The following CASR variants were observed in gnomAD, a reference collection of about 807,000 sequenced individuals.
The protein encoded by CASR is extracellular calcium-sensing receptor.
A neutral mutation model predicts 69.1 loss-of-function variants in CASR; 23 were observed. That is an observed-to-expected ratio of 0.33 (90% confidence interval 0.24 to 0.47). The LOEUF is 0.47. Ranked by LOEUF, CASR falls within the 20% of genes least tolerant of loss-of-function variation. CASR has a pLI of 1.00. For synonymous variants in CASR, 541 were observed against 544.7 expected (o/e 0.99, Z 0.10); for missense variants, 924 against 1,356.1 (o/e 0.68, Z 5.00).
chr3:122,281,911 C>G (rs1010547581), intron 5 of CASR, among the ~76,000 whole-genome samples: 1 of 152,196 alleles, frequency 6.6e-6, no homozygotes. Context: ...TATACACACA[C>G]ACTTTCCCAT....
chr3:122,281,652 T>C (rs1204956521), intron 5 of CASR, among the ~76,000 whole-genome samples: 1 of 152,226 alleles, frequency 6.6e-6, no homozygotes, highest in African/African-American at 2.4e-5. Context: ...TCCATTAATT[T>C]GCTAATGCAG....
intron 1 of CASR, chr3:122,245,275 C>T (rs1438780307): frequency 6.6e-6 from 1 of 152,174 alleles, no homozygotes; most frequent in East Asian, 1.9e-4. Context: ...TACAGCCATT[C>T]ATCTTTTCCA....
At chr3:122,269,280 G>A (rs2074729344) in intron 4 of CASR, among the ~76,000 whole-genome samples, 1 of 152,192 alleles carries the variant, frequency 6.6e-6, no homozygotes. Flanking sequence ...GATATAGTGA[G>A]GACAGACATT....
intron 1 of CASR, among the ~76,000 whole-genome samples, chr3:122,224,650 T>G (rs2074205085): frequency 6.6e-6 from 1 of 152,052 alleles, no homozygotes; most frequent in Non-Finnish European, 1.5e-5. Flanking sequence ...GCTATTCCTA[T>G]CAAACCACCA....
intron 1 of CASR, among the ~76,000 whole-genome samples, chr3:122,192,866 G>T (rs1280856010): frequency 6.6e-6 from 1 of 152,112 alleles, no homozygotes; most frequent in Admixed American, 6.6e-5. Context: ...CTCTTCTCAC[G>T]ATCCAGCTGC....
intron 1 of CASR, among the ~76,000 whole-genome samples, chr3:122,187,110 A>G (rs2107577236): frequency 6.6e-6 from 1 of 152,348 alleles, no homozygotes; most frequent in Non-Finnish European, 1.5e-5. Flanking sequence ...CCCATTAATA[A>G]GGTAAATATA....
intron 1 of CASR, among the ~76,000 whole-genome samples, chr3:122,223,897 A>G (rs1311897085): frequency 3.3e-5 from 5 of 152,254 alleles, no homozygotes; most frequent in African/African-American, 1.2e-4. Context: ...ACGCAAATCA[A>G]TAAATGCAAT....
At chr3:122,253,829 T>G in intron 1 of CASR, 119 bp from the exon 2 acceptor site, 1 of 288,496 alleles carries the variant, frequency 3.5e-6, no homozygotes, top group Non-Finnish European at 6.7e-6. Flanking sequence ...GCCAGGCCTT[T>G]TCAGTCTGCC....
chr3:122,211,247 TTAAAC>T (rs1298000098), intron 1 of CASR, among the ~76,000 whole-genome samples: 3 of 152,126 alleles, frequency 2.0e-5, no homozygotes, highest in African/African-American at 7.2e-5. Context: ...TGGGATCTAA[TTAAAC>T]TAAAGAGCTT....
At position 122,252,448 on chromosome 3, in the gene CASR, A is replaced by AGAAAGAAAGAAAGAAAG. The variant is rs1288515427; in HGVS notation, c.-242-1500_-242-1499insGAAAGAAAGAAAGAAAG. Among the ~76,000 whole-genome samples the AGAAAGAAAGAAAGAAAG allele has an allele frequency of 3.0e-4, 29 of 96,082 alleles. 2 individuals are homozygous for AGAAAGAAAGAAAGAAAG. Among genetic ancestry groups the AGAAAGAAAGAAAGAAAG allele is most frequent in the Non-Finnish European group, 4.0e-4 (19 of 47,008 alleles). 63.0% of individuals were successfully genotyped at this position (96,082 alleles called of 152,430 possible). On this transcript the variant is annotated intron_variant, in intron 1 of 6. Transcript: ENST00000639785. ...AAGAAAGAAAGAAAGAAAGAAAGAA[A>AGAAAGAAAGAAAGAAAG]AAAAAGAAAAGAAAGAAAAGAAAAG...
At chr3:122,211,643 G>C (rs113461736) in intron 1 of CASR, among the ~76,000 whole-genome samples, 1 of 152,208 alleles carries the variant, frequency 6.6e-6, no homozygotes, top group Non-Finnish European at 1.5e-5. Flanking sequence ...GGGAGGTGGA[G>C]GTTGCAGTAA....
At chr3:122,202,279 G>T (rs185381247) in intron 1 of CASR, among the ~76,000 whole-genome samples, 1 of 152,272 alleles carries the variant, frequency 6.6e-6, no homozygotes, top group Non-Finnish European at 1.5e-5. Context: ...CCAGTCAGGC[G>T]TGGTGGCGCG....
intron 1 of CASR, among the ~76,000 whole-genome samples, chr3:122,252,454 G>GAAAGA (rs1559954433): frequency 1.8e-4 from 8 of 45,122 alleles, no homozygotes; most frequent in Non-Finnish European, 3.0e-4. Context: ...AGAAAAAAAA[G>GAAAGA]AAAAGAAAGA....
chr3:122,219,412 C>T (rs1307177952), intron 1 of CASR, among the ~76,000 whole-genome samples: 3 of 152,170 alleles, frequency 2.0e-5, no homozygotes, highest in Admixed American at 6.5e-5. Flanking sequence ...CCTGGTGTAA[C>T]CTACCTATGA....
intron 1 of CASR, among the ~76,000 whole-genome samples, chr3:122,197,344 C>A (rs34156035): frequency 2.5e-3 from 374 of 152,302 alleles, no homozygotes; most frequent in Non-Finnish European, 4.1e-3. Context: ...CCACCTCCCT[C>A]TACTAGTTTT....
chr3:122,265,692 G>A (rs545104524), intron 4 of CASR, among the ~76,000 whole-genome samples: 1 of 152,288 alleles, frequency 6.6e-6, no homozygotes, highest in South Asian at 2.1e-4. Flanking sequence ...ACAAGCTTTG[G>A]TCACGTGCCC....
In CASR at chr3:122,284,393, C is replaced by T. The variant is rs1228810304; in HGVS notation, c.2439C>T (p.Ile813=). The T allele has an allele frequency of 6.2e-7, 1 of 1,614,034 alleles. No homozygotes were observed. The highest frequency in any genetic ancestry group is 1.7e-5 in the Admixed American group (1 of 60,018). ...EAKFITFSML[I]FFIVWISFIP... is the part of the protein sequence containing the mutation. The stretch of plus-strand genomic sequence containing the variant: ...AGTTCATCACCTTCAGCATGCTCAT[C>T]TTCTTCATCGTCTGGATCTCCTTCA... Residue 813 remains isoleucine, a synonymous_variant, in exon 7 of 7, where the codon ATC becomes ATT. Transcript: ENST00000639785.
intron 1 of CASR, among the ~76,000 whole-genome samples, chr3:122,237,111 GCT>G (rs1491317798): frequency 9.6e-6 from 1 of 104,054 alleles, no homozygotes; most frequent in East Asian, 3.1e-4. Context: ...CAGTACTTAT[GCT>G]TTTTTTTTTT....
chr3:122,238,974 T>C (rs2074355158), intron 1 of CASR, among the ~76,000 whole-genome samples: 2 of 152,150 alleles, frequency 1.3e-5, no homozygotes, highest in Non-Finnish European at 2.9e-5. Flanking sequence ...GACATGCTGG[T>C]TTCAGGTGTG....
Sources: gnomAD v4.1 joint callset for allele counts (sites outside exome capture counted in the v4.1 genomes callset) on GRCh38, gnomAD v4.1.1 for gene constraint, MANE v1.5 for transcripts, NCBI Gene and HGNC (gene_info 2026-07-23, HGNC 2026-07-21) for gene names.